Variants in PTPRM observed in about 807,000 individuals in gnomAD.
The protein encoded by PTPRM is receptor-type tyrosine-protein phosphatase mu.
Under a neutral mutation model 186.7 loss-of-function variants are expected in PTPRM, and 47 were observed. The observed-to-expected ratio is 0.25, with a 90% confidence interval of 0.20 to 0.32. The LOEUF (loss-of-function observed/expected upper bound fraction) is 0.32, where lower values mean the gene tolerates loss of function less well. Among genes scored for constraint, PTPRM ranks in the 10% least tolerant of loss-of-function variants. The pLI, the probability that PTPRM is intolerant of heterozygous loss-of-function variation, is 1.00. For missense variants in PTPRM, 1,494 were observed against 1,865.0 expected, an observed-to-expected ratio of 0.80 and a Z score of 3.66; for synonymous variants, 668 against 674.9, an observed-to-expected ratio of 0.99 and a Z score of 0.16.
At chr18:8,144,289 C>T (rs977809214) in intron 14 of PTPRM, among the ~76,000 whole-genome samples, 2 of 152,152 alleles carry the variant, frequency 1.3e-5, no homozygotes, top group African/African-American at 4.8e-5. Flanking sequence ...AAATGCAGCG[C>T]GGGAGCAGCT....
chr18:7,684,752 G>T (rs2144599808), intron 1 of PTPRM, among the ~76,000 whole-genome samples: 1 of 152,172 alleles, frequency 6.6e-6, no homozygotes, highest in Admixed American at 6.5e-5. Context: ...TCTGTCCATG[G>T]ACATTTTGGT....
chr18:8,052,692 A>G (rs189672401), intron 7 of PTPRM, among the ~76,000 whole-genome samples: 1 of 152,330 alleles, frequency 6.6e-6, no homozygotes, highest in Admixed American at 6.5e-5. Flanking sequence ...ATACTATTCT[A>G]GGATTTATGC....
Position 8,289,478 on chromosome 18 carries a change from G to GTA in PTPRM, c.2755-6881_2755-6880dup, listed in dbSNP as rs200296079. 4.3e-3 allele frequency among the ~76,000 whole-genome samples: 375 copies of GTA among 87,492 alleles called. 18 individuals are homozygous for GTA. Among genetic ancestry groups the GTA allele is most frequent in the African/African-American group, 0.016 (355 of 21,894 alleles). 57.4% of individuals were successfully genotyped at this position (87,492 alleles called of 152,430 possible). ...TATATACATATATATACACACATAT[G>GTA]TATATATATACATATATGTATATAT... On this transcript the variant is annotated intron_variant, in intron 19 of 32. Transcript: ENST00000580170.
chr18:7,802,101 T>C (rs115966369), intron 2 of PTPRM, among the ~76,000 whole-genome samples: 4,655 of 152,250 alleles, frequency 0.031, 262 homozygotes, highest in African/African-American at 0.11. Context: ...TTCTCCCCTC[T>C]CCCTTCTCTG....
intron 19 of PTPRM, among the ~76,000 whole-genome samples, chr18:8,290,230 T>C (rs2095027557): frequency 6.6e-6 from 1 of 152,210 alleles, no homozygotes; most frequent in African/African-American, 2.4e-5. Context: ...GTGATGATTT[T>C]AGTCATTTTA....
intron 7 of PTPRM, among the ~76,000 whole-genome samples, chr18:8,016,128 C>G (rs1261230304): frequency 6.6e-6 from 1 of 152,138 alleles, no homozygotes; most frequent in Non-Finnish European, 1.5e-5. Context: ...CAGGAAGAAG[C>G]AAGAACCTGA....
At chr18:7,671,751 GT>G (rs1258153663) in intron 1 of PTPRM, among the ~76,000 whole-genome samples, 2 of 152,136 alleles carry the variant, frequency 1.3e-5, no homozygotes, top group Non-Finnish European at 1.5e-5. Context: ...GAAAGCCAGA[GT>G]TTTTAAATTA....
At chr18:8,079,804 C>A (rs2145175685) in intron 9 of PTPRM, among the ~76,000 whole-genome samples, 1 of 152,084 alleles carries the variant, frequency 6.6e-6, no homozygotes, top group East Asian at 1.9e-4. Context: ...TTTTAAACTT[C>A]TGAATGATGA....
At chr18:8,343,011 T>C (rs568489112) in intron 22 of PTPRM, among the ~76,000 whole-genome samples, 2 of 152,252 alleles carry the variant, frequency 1.3e-5, no homozygotes, top group Non-Finnish European at 2.9e-5. Flanking sequence ...CCATTTTTCC[T>C]ATAGAGGCTC....
At chr18:8,345,413 T>C (rs2095499926) in intron 23 of PTPRM, among the ~76,000 whole-genome samples, 1 of 152,146 alleles carries the variant, frequency 6.6e-6, no homozygotes, top group South Asian at 2.1e-4. Context: ...AGCAGATTTT[T>C]TTTGTACTGC....
At chr18:8,356,707 G>T (rs1374608483) in intron 23 of PTPRM, among the ~76,000 whole-genome samples, 1 of 152,176 alleles carries the variant, frequency 6.6e-6, no homozygotes, top group Admixed American at 6.5e-5. Context: ...ATATAAGTGA[G>T]ACTCCAGTTG....
chr18:8,039,626 A>G (rs569546965), intron 7 of PTPRM, among the ~76,000 whole-genome samples: 1 of 152,320 alleles, frequency 6.6e-6, no homozygotes, highest in Non-Finnish European at 1.5e-5. Context: ...GTTAAGCAAA[A>G]TGATATACAT....
chr18:8,114,535 C>T (rs897632517), intron 12 of PTPRM, among the ~76,000 whole-genome samples: 4 of 152,050 alleles, frequency 2.6e-5, no homozygotes, highest in Non-Finnish European at 4.4e-5. Flanking sequence ...AAAGGAGGTC[C>T]GGGGCCACCA....
intron 7 of PTPRM, among the ~76,000 whole-genome samples, chr18:7,955,789 C>T (rs12963759): frequency 0.19 from 29,480 of 152,032 alleles, 3,105 homozygotes; most frequent in African/African-American, 0.25. Flanking sequence ...GTTAATGTGC[C>T]AGCAGCCTGG....
At chr18:8,255,389 A>T (rs899424884) in intron 19 of PTPRM, among the ~76,000 whole-genome samples, 1 of 152,236 alleles carries the variant, frequency 6.6e-6, no homozygotes, top group African/African-American at 2.4e-5. Context: ...TATTTGAAAG[A>T]TGTAGAAAAT....
intron 14 of PTPRM, among the ~76,000 whole-genome samples, chr18:8,240,327 T>G (rs1025640513): frequency 6.6e-6 from 1 of 151,484 alleles, no homozygotes; most frequent in Non-Finnish European, 1.5e-5. Context: ...GAAAGGCTAC[T>G]GGGGAGGCTG....
rs376914708 is a variant in PTPRM, at chr18:8,150,817, C to T, written c.2300+7038C>T. ...TTTGGTCTTTGATGTTGGTGACCTT[C>T]AGATGGGGTCTTTGAGTGGATGTGC... On this transcript the variant is annotated intron_variant, in intron 14 of 32. Coordinates refer to ENST00000580170, the MANE Select transcript of PTPRM (RefSeq NM_001105244.2). Among the ~76,000 whole-genome samples the T allele has an allele frequency of 3.7e-4, 56 of 152,312 alleles. No individual in the cohort carries two copies. The South Asian group carries it at 0.011, about 31-fold the overall frequency.
At chr18:7,870,774 T>C (rs1429862689) in intron 2 of PTPRM, among the ~76,000 whole-genome samples, 2 of 152,182 alleles carry the variant, frequency 1.3e-5, no homozygotes, top group East Asian at 3.9e-4. Context: ...AGTTCAGCTT[T>C]CTCCTCTGGG....
rs1258683823 is a variant in PTPRM, at chr18:7,998,781, T to C, written c.1132+43367T>C. Among the ~76,000 whole-genome samples the C allele has an allele frequency of 2.6e-5, 4 of 152,214 alleles. No individual in the cohort carries two copies. In the East Asian group the frequency reaches 7.8e-4, roughly 30 times the overall value. ...GTGATTCTCATGCCTCAGCCTGCTG[T>C]GTAGCTAGAATTACAGGCATGTGCC... On this transcript the variant is annotated intron_variant, in intron 7 of 32. Coordinates refer to ENST00000580170, the MANE Select transcript of PTPRM (RefSeq NM_001105244.2).
Sources: gnomAD v4.1 joint callset for allele counts (sites outside exome capture counted in the v4.1 genomes callset) on GRCh38, gnomAD v4.1.1 for gene constraint, MANE v1.5 for transcripts, NCBI Gene and HGNC (gene_info 2026-07-23, HGNC 2026-07-21) for gene names.